Variants in PTPN9 observed in about 807,000 individuals in gnomAD.
The protein encoded by PTPN9 is tyrosine-protein phosphatase non-receptor type 9.
Under a neutral mutation model 69.8 loss-of-function variants are expected in PTPN9, and 26 were observed. The ratio of observed to expected loss-of-function variants is 0.37; its 90% CI spans 0.27 to 0.52. PTPN9 has a LOEUF of 0.52. Among genes scored for constraint, PTPN9 ranks in the 20% least tolerant of loss-of-function variants. PTPN9 has a pLI of 0.91. For synonymous variants in PTPN9, 274 were observed against 272.5 expected (o/e 1.01, Z -0.05); for missense variants, 549 against 740.3 (o/e 0.74, Z 3.00).
intron 7 of PTPN9, among the ~76,000 whole-genome samples, chr15:75,504,293 G>A (rs1288303064): frequency 1.2e-3 from 148 of 123,608 alleles, no homozygotes; most frequent in African/African-American, 1.4e-3. Flanking sequence ...CGCCCCGTCC[G>A]GGAGGTGAGG....
intron 1 of PTPN9, among the ~76,000 whole-genome samples, chr15:75,538,192 T>C (rs1391994922): frequency 6.6e-6 from 1 of 152,108 alleles, no homozygotes; most frequent in Non-Finnish European, 1.5e-5. Flanking sequence ...GCAATTTTTA[T>C]GTTAACAGGA....
Position 75,468,874 on chromosome 15 carries a change from C to T in PTPN9, c.1677G>A (p.Gln559=), listed in dbSNP as rs1567458806. 4 of 1,614,178 alleles carry T rather than the reference C, an allele frequency of 2.5e-6. No homozygotes were observed. Among genetic ancestry groups the T allele is most frequent in the Non-Finnish European group, 8.5e-7 (1 of 1,180,022 alleles). The change falls in exon 13 of 13, where the codon CAG becomes CAA. Residue 559 remains glutamine (Q), a synonymous_variant. Coordinates refer to ENST00000618819, the MANE Select transcript of PTPN9 (RefSeq NM_002833.4). The part of the protein sequence containing the change: ...RMRTQRAFSI[Q]TPEQYYFCYK... Reference sequence around the variant, plus strand: ...AGCAAAAATAGTACTGCTCAGGGGTCTGGATGCTGAAGGCCCTCTGGGTCC... The same window carrying T: ...AGCAAAAATAGTACTGCTCAGGGGTTTGGATGCTGAAGGCCCTCTGGGTCC...
chr15:75,559,404 G>T (rs2075093557), intron 1 of PTPN9, among the ~76,000 whole-genome samples: 1 of 152,172 alleles, frequency 6.6e-6, no homozygotes, highest in Admixed American at 6.6e-5. Context: ...AGACATGGGA[G>T]ACTCCATTTT....
In PTPN9 at chr15:75,464,489, G is replaced by A. The variant is rs1250249553; in HGVS notation, c.*4280C>T. The A allele has an allele frequency of 1.3e-5, 2 of 152,002 alleles. No individual in the cohort carries two copies. The highest frequency in any genetic ancestry group is 4.8e-5 in the African/African-American group (2 of 41,378). 9.4% of individuals were successfully genotyped at this position (152,002 alleles called of 1,614,324 possible). A position where few individuals can be genotyped will look rare whatever the true frequency, so the allele number is the denominator to read the frequency against. On this transcript the variant is annotated 3_prime_UTR_variant, in exon 13 of 13. Transcript: ENST00000618819. Reference sequence around the variant, plus strand: ...CCTAATAGCTCCTCTATGGGTGTTTGCACTGTCTAACAAAGAACTGGACCC... The same window carrying A: ...CCTAATAGCTCCTCTATGGGTGTTTACACTGTCTAACAAAGAACTGGACCC...
chr15:75,523,839 T>C (rs2074915300), intron 3 of PTPN9, among the ~76,000 whole-genome samples: 1 of 152,158 alleles, frequency 6.6e-6, no homozygotes, highest in African/African-American at 2.4e-5. Flanking sequence ...CTAGAAACTA[T>C]TAGTAATTCA....
chr15:75,566,932 G>T (rs1328235619), intron 1 of PTPN9, among the ~76,000 whole-genome samples: 1 of 152,092 alleles, frequency 6.6e-6, no homozygotes, highest in African/African-American at 2.4e-5. Context: ...CAAGGCTGCA[G>T]TCAGCCATAA....
At chr15:75,511,911 G>A (rs1419970541) in intron 5 of PTPN9, among the ~76,000 whole-genome samples, 1 of 150,100 alleles carries the variant, frequency 6.7e-6, no homozygotes, top group Non-Finnish European at 1.5e-5. Context: ...CCAAGCTGGA[G>A]TGTAGTGGCA....
At chr15:75,564,782 C>A (rs1595971943) in intron 1 of PTPN9, among the ~76,000 whole-genome samples, 1 of 151,570 alleles carries the variant, frequency 6.6e-6, no homozygotes, top group Non-Finnish European at 1.5e-5. Context: ...CACAACAAGA[C>A]CCTCTCTCTA....
At chr15:75,541,632 T>A (rs191744142) in intron 1 of PTPN9, among the ~76,000 whole-genome samples, 2 of 151,878 alleles carry the variant, frequency 1.3e-5, no homozygotes, top group East Asian at 4.0e-4. Context: ...GGTCTTGATC[T>A]CCTGACCTCC....
intron 8 of PTPN9, among the ~76,000 whole-genome samples, chr15:75,486,221 G>A (rs2074676649): frequency 1.3e-5 from 2 of 152,014 alleles, no homozygotes; most frequent in Admixed American, 1.3e-4. Context: ...GCTATAGACT[G>A]ATCATTTGTG....
intron 4 of PTPN9, among the ~76,000 whole-genome samples, chr15:75,522,162 C>G (rs990846781): frequency 6.6e-6 from 1 of 152,138 alleles, no homozygotes; most frequent in Non-Finnish European, 1.5e-5. Context: ...GATCTTAGAA[C>G]CAGCTGGACT....
At chr15:75,495,472 G>A (rs568245755) in intron 7 of PTPN9, among the ~76,000 whole-genome samples, 3 of 152,256 alleles carry the variant, frequency 2.0e-5, no homozygotes, top group Middle Eastern at 3.4e-3. Flanking sequence ...CAGCACTTTG[G>A]GAGGCCAAGG....
Position 75,490,260 on chromosome 15 carries a change from G to C in PTPN9, c.1010C>G (p.Pro337Arg). The C allele has an allele frequency of 6.2e-7, 1 of 1,613,692 alleles. No homozygotes were observed. The highest frequency in any genetic ancestry group is 8.5e-7 in the Non-Finnish European group (1 of 1,179,684). ...NLEKNRYGDV[P>R]CLDQTRVKLT... ...CTTCACTCTAGTTTGGTCCAGGCAG[G>C]GTACATCCCCATAACGGTTTTTCTC... The change falls in exon 8 of 13, where the codon CCC becomes CGC. Residue 337 changes from proline to arginine, a missense_variant. This residue lies in a region of PTPN9 where 457 missense variants were observed against 661.9 expected (regional missense o/e 0.69). Transcript: ENST00000618819.
rs189541930 is a variant in PTPN9 at position 75,539,901 on chromosome 15, C to T, written c.64-12640G>A. ...GGCCAGGCTGGTCTCGAACTCCTGGCCTCAAGTAATCCGCCTCAAGCAACT... is the reference window on the plus strand; with the variant it reads ...GGCCAGGCTGGTCTCGAACTCCTGGTCTCAAGTAATCCGCCTCAAGCAACT... On this transcript the variant is annotated intron_variant, in intron 1 of 12. Coordinates refer to ENST00000618819, the MANE Select transcript of PTPN9 (RefSeq NM_002833.4). Among the ~76,000 whole-genome samples the T allele has an allele frequency of 5.9e-4, 89 of 152,136 alleles. 1 individual carries two copies. In the East Asian group the frequency reaches 0.013, roughly 22 times the overall value.
intron 7 of PTPN9, among the ~76,000 whole-genome samples, chr15:75,504,335 G>A (rs2074800347): frequency 8.1e-6 from 1 of 122,940 alleles, no homozygotes; most frequent in Non-Finnish European, 1.7e-5. Flanking sequence ...CTACTGGGAA[G>A]TGAGGAGCCC....
At chr15:75,473,803 G>C in intron 9 of PTPN9, 36 bp from the exon 10 acceptor site, 1 of 1,491,874 alleles carries the variant, frequency 6.7e-7, no homozygotes, top group South Asian at 1.1e-5. Context: ...ACATGACTCT[G>C]GGAAACACTT....
intron 1 of PTPN9, among the ~76,000 whole-genome samples, chr15:75,566,704 T>G (rs1409370235): frequency 1.3e-5 from 2 of 150,780 alleles, no homozygotes; most frequent in Non-Finnish European, 3.0e-5. Flanking sequence ...AAGAAACATA[T>G]GGGCTGGGCA....
At chr15:75,483,166 A>C (rs764949162) in intron 8 of PTPN9, among the ~76,000 whole-genome samples, 37 of 152,342 alleles carry the variant, frequency 2.4e-4, no homozygotes, top group Middle Eastern at 3.4e-3. Context: ...ACTTTAGAAA[A>C]CAGTCTGGTT....
chr15:75,541,648 C>T (rs1205466849), intron 1 of PTPN9, among the ~76,000 whole-genome samples: 4 of 151,940 alleles, frequency 2.6e-5, no homozygotes, highest in East Asian at 3.9e-4. Context: ...CCTCCTGATC[C>T]GCCTGCCTCA....
Sources: gnomAD v4.1 joint callset for allele counts (sites outside exome capture counted in the v4.1 genomes callset) on GRCh38, gnomAD v4.1.1 for gene constraint, gnomAD v4.1.1 regional missense constraint, MANE v1.5 for transcripts, NCBI Gene and HGNC (gene_info 2026-07-23, HGNC 2026-07-21) for gene names.